Variants in JAKMIP2 observed in about 807,000 individuals in gnomAD.
The protein encoded by JAKMIP2 is janus kinase and microtubule-interacting protein 2.
JAKMIP2 carries 25 observed loss-of-function variants against 115.0 expected under a neutral mutation model. That is an observed-to-expected ratio of 0.22 (90% CI 0.16 to 0.30). The LOEUF is 0.30. Among genes scored for constraint, JAKMIP2 ranks in the 10% least tolerant of loss-of-function variants. The pLI is 1.00. For missense variants in JAKMIP2, 642 were observed against 957.6 expected, an observed-to-expected ratio of 0.67 and a Z score of 4.35; for synonymous variants, 334 against 343.6, an observed-to-expected ratio of 0.97 and a Z score of 0.31.
At chr5:147,764,957 AGAGAGAGAGGGG>A (rs1755086731) in intron 1 of JAKMIP2, among the ~76,000 whole-genome samples, 2 of 82,880 alleles carry the variant, frequency 2.4e-5, no homozygotes, top group Non-Finnish European at 4.6e-5. Context: ...GGAGAGAGAG[AGAGAGAGAGGGG>A]GAGAGAGAGA....
At position 147,602,919 on chromosome 5, in the gene JAKMIP2, G is replaced by A. The variant is rs77689750; in HGVS notation, c.2413-1108C>T. Among the ~76,000 whole-genome samples the A allele has an allele frequency of 6.4e-3, 982 of 152,290 alleles. 53 individuals are homozygous for A. In the East Asian group the frequency reaches 0.13, roughly 20 times the overall value. ...AAACAAGTTATGAGTATGGCTCTAA[G>A]AGGCATGTATTGGTGGCTAGTCTAT... On this transcript the variant is annotated intron_variant, in intron 20 of 21. Transcript: ENST00000616793.
At position 147,595,301 on chromosome 5, in the gene JAKMIP2, A is replaced by G. The variant is rs993531210; in HGVS notation, c.*21-3615T>C. The G allele has an allele frequency of 8.9e-5, 30 of 336,630 alleles. 1 individual carries two copies. The East Asian group carries it at 1.2e-3, about 13-fold the overall frequency. 20.9% of individuals were successfully genotyped at this position (336,630 alleles called of 1,614,324 possible). A position where few individuals can be genotyped will look rare whatever the true frequency, so the allele number is the denominator to read the frequency against. On this transcript the variant is annotated intron_variant, in intron 21 of 21. Transcript: ENST00000616793. ...CCCAGTGCAAGAGTATTAACAGGTG[A>G]GGCTTTTAGGAGGTTATTAGGCCAT...
intron 1 of JAKMIP2, among the ~76,000 whole-genome samples, chr5:147,737,147 A>T (rs1243134171): frequency 1.3e-5 from 2 of 152,252 alleles, no homozygotes; most frequent in African/African-American, 2.4e-5. Context: ...GAATGAAAAT[A>T]CTTCCCACTT....
At position 147,587,003 on chromosome 5, in the gene JAKMIP2, A is replaced by G. The variant is rs1216041105; in HGVS notation, c.*4704T>C. The G allele has an allele frequency of 6.6e-6, 1 of 152,176 alleles. No individual in the cohort carries two copies. Among genetic ancestry groups the G allele is most frequent in the Non-Finnish European group, 1.5e-5 (1 of 68,038 alleles). The allele number at this position is 152,176 out of a possible 1,614,324, so 9.4% of individuals were successfully genotyped here. Reference sequence around the variant, plus strand: ...CTGAAATGGAATAATAGAATTTGGCACTTGAAGAGGCCTTACAGGGATTAG... The same window carrying G: ...CTGAAATGGAATAATAGAATTTGGCGCTTGAAGAGGCCTTACAGGGATTAG... On this transcript the variant is annotated 3_prime_UTR_variant, in exon 22 of 22. Coordinates refer to ENST00000616793, the MANE Select transcript of JAKMIP2 (RefSeq NM_001270941.2).
At chr5:147,738,343 T>C (rs1169038633) in intron 1 of JAKMIP2, among the ~76,000 whole-genome samples, 2 of 152,198 alleles carry the variant, frequency 1.3e-5, no homozygotes, top group Non-Finnish European at 2.9e-5. Flanking sequence ...GAATTCCATA[T>C]CTTCATCCGC....
intron 2 of JAKMIP2, among the ~76,000 whole-genome samples, chr5:147,666,805 C>T (rs747010583): frequency 7.2e-5 from 11 of 152,054 alleles, no homozygotes; most frequent in East Asian, 1.9e-4. Flanking sequence ...CATTCTCTTA[C>T]GGCTATTGTG....
At chr5:147,760,992 T>G (rs1044564103) in intron 1 of JAKMIP2, among the ~76,000 whole-genome samples, 7 of 152,102 alleles carry the variant, frequency 4.6e-5, no homozygotes, top group Non-Finnish European at 8.8e-5. Context: ...TTCTATGACC[T>G]CATATTTGTA....
chr5:147,665,493 A>G (rs1045244832), intron 2 of JAKMIP2, among the ~76,000 whole-genome samples: 3 of 152,226 alleles, frequency 2.0e-5, no homozygotes, highest in Admixed American at 6.5e-5. Context: ...TACACTAGGC[A>G]TCTGGAACAG....
At chr5:147,594,482 G>C in intron 21 of JAKMIP2, 1 of 451,712 alleles carries the variant, frequency 2.2e-6, no homozygotes, top group Non-Finnish European at 4.5e-6. Context: ...CTACAGGTAT[G>C]TGCCCCCATA....
At chr5:147,623,776 C>T (rs1354507771) in intron 16 of JAKMIP2, 87 bp from the exon 17 acceptor site, 2 of 730,904 alleles carry the variant, frequency 2.7e-6, no homozygotes, top group Non-Finnish European at 4.8e-6. Flanking sequence ...TCCGTCTCCT[C>T]CCCTTATATC....
Position 147,590,346 on chromosome 5 carries a change from A to T in JAKMIP2, c.*1361T>A, listed in dbSNP as rs183677614. ...GGTGTAAAATTAGCTTTTCAGGAACATACATTTGCTCTCAGAGATGACTCC... is the reference window on the plus strand; with the variant it reads ...GGTGTAAAATTAGCTTTTCAGGAACTTACATTTGCTCTCAGAGATGACTCC... On this transcript the variant is annotated 3_prime_UTR_variant, in exon 22 of 22. Transcript: ENST00000616793. 2.5e-4 allele frequency: 38 copies of T among 152,322 alleles called. No individual in the cohort carries two copies. Among genetic ancestry groups the T allele is most frequent in the African/African-American group, 8.9e-4 (37 of 41,584 alleles). 9.4% of individuals were successfully genotyped at this position (152,322 alleles called of 1,614,324 possible).
At chr5:147,599,328 G>T (rs1184362099) in intron 21 of JAKMIP2, among the ~76,000 whole-genome samples, 1 of 152,132 alleles carries the variant, frequency 6.6e-6, no homozygotes, top group Non-Finnish European at 1.5e-5. Flanking sequence ...ATCTTGGGTG[G>T]ATTAAATAAA....
At chr5:147,737,190 ATAC>A (rs1186475866) in intron 1 of JAKMIP2, among the ~76,000 whole-genome samples, 5 of 152,230 alleles carry the variant, frequency 3.3e-5, no homozygotes, top group Non-Finnish European at 5.9e-5. Context: ...AAAACTAACT[ATAC>A]AGCAGAAGCA....
intron 1 of JAKMIP2, among the ~76,000 whole-genome samples, chr5:147,777,235 G>A (rs1231512128): frequency 1.3e-5 from 2 of 152,124 alleles, no homozygotes; most frequent in Non-Finnish European, 2.9e-5. Context: ...CCTGACTCAC[G>A]ACTGCTTTAA....
At chr5:147,634,084 A>G (rs1757495877) in intron 12 of JAKMIP2, among the ~76,000 whole-genome samples, 1 of 152,220 alleles carries the variant, frequency 6.6e-6, no homozygotes, top group Admixed American at 6.5e-5. Flanking sequence ...GGCATTACAT[A>G]CAGTAACTAT....
intron 1 of JAKMIP2, among the ~76,000 whole-genome samples, chr5:147,743,997 TCTTTCCTTC>T: frequency 9.0e-6 from 1 of 110,718 alleles, no homozygotes; most frequent in Admixed American, 9.7e-5. Context: ...CTTCCTAACT[TCTTTCCTTC>T]CTTCCTTCCT....
At chr5:147,770,323 C>T (rs970778794) in intron 1 of JAKMIP2, among the ~76,000 whole-genome samples, 1 of 151,986 alleles carries the variant, frequency 6.6e-6, no homozygotes, top group African/African-American at 2.4e-5. Flanking sequence ...AAAAATTGCT[C>T]CACCTGGGTC....
chr5:147,754,970 A>C (rs1468913213), intron 1 of JAKMIP2, among the ~76,000 whole-genome samples: 1 of 152,144 alleles, frequency 6.6e-6, no homozygotes, highest in Non-Finnish European at 1.5e-5. Flanking sequence ...TGTGCACATG[A>C]AGAGCAGCTG....
chr5:147,627,698 A>AC (rs1402919445), intron 16 of JAKMIP2, among the ~76,000 whole-genome samples: 5 of 150,930 alleles, frequency 3.3e-5, no homozygotes, highest in South Asian at 4.2e-4. Context: ...AAAAAAAAAA[A>AC]AAAAAACCCA....
Sources: gnomAD v4.1 joint callset for allele counts (sites outside exome capture counted in the v4.1 genomes callset) on GRCh38, gnomAD v4.1.1 for gene constraint, MANE v1.5 for transcripts, NCBI Gene and HGNC (gene_info 2026-07-23, HGNC 2026-07-21) for gene names.